The following WASHC2C variants were observed in gnomAD, a reference collection of about 807,000 sequenced individuals.
WASHC2C encodes the protein Vaccinia Penetration Factor.
Under a neutral mutation model 142.2 loss-of-function variants are expected in WASHC2C, and 73 were observed. The ratio of observed to expected loss-of-function variants is 0.51; its 90% CI spans 0.43 to 0.62. The LOEUF (loss-of-function observed/expected upper bound fraction) is 0.62, where lower values mean the gene tolerates loss of function less well. Ranked by LOEUF, WASHC2C falls within the 20% of genes least tolerant of loss-of-function variation. The pLI, the probability that WASHC2C is intolerant of heterozygous loss-of-function variation, is 0.00. For synonymous variants in WASHC2C, 337 were observed against 565.5 expected (o/e 0.60, Z 5.73); for missense variants, 969 against 1,531.7 (o/e 0.63, Z 6.13).
chr10:45,744,103 G>C (rs2052499522), intron 6 of WASHC2C, among the ~76,000 whole-genome samples: 1 of 151,634 alleles, frequency 6.6e-6, no homozygotes, highest in Non-Finnish European at 1.5e-5. Flanking sequence ...TGGTCACCCA[G>C]GCTGGAATGC....
chr10:45,753,868 A>C (rs898221), intron 13 of WASHC2C, among the ~76,000 whole-genome samples: 7,436 of 148,594 alleles, frequency 0.05, 245 homozygotes, highest in African/African-American at 0.099. Context: ...AATGTTACTC[A>C]ATAGGTTTGT....
At chr10:45,747,068 G>T (rs1235349926) in intron 8 of WASHC2C, among the ~76,000 whole-genome samples, 2 of 152,148 alleles carry the variant, frequency 1.3e-5, no homozygotes, top group African/African-American at 2.4e-5. Flanking sequence ...ATCTAAAGGC[G>T]TATTCTTTTC....
Position 45,789,100 on chromosome 10 carries a change from G to A in WASHC2C, c.3317G>A (p.Gly1106Asp). The A allele has an allele frequency of 1.9e-6, 3 of 1,612,088 alleles. No homozygotes were observed. The South Asian group carries it at 3.3e-5, about 18-fold the overall frequency. Residue 1106 changes from glycine (G) to aspartate (D), a missense_variant, in exon 29 of 31, where the codon GGT becomes GAT. By Grantham distance (94) the Gly-to-Asp change is moderately conservative (BLOSUM62 -1). Transcript: ENST00000623400. ...GCTGCCGCTGCACCTTGGGAAGGTG[G>A]TCCTGTGCCTGGAGTGGACACAAGC... is the stretch of plus-strand genomic sequence containing the variant. ...LAAAAAPWEGGPVPGVDTSPF... is the reference protein window; with the variant it reads ...LAAAAAPWEGDPVPGVDTSPF...
chr10:45,773,194 T>C (rs2135434583), intron 20 of WASHC2C, 62 bp from the exon 21 acceptor site: 1 of 593,956 alleles, frequency 1.7e-6, no homozygotes, highest in Non-Finnish European at 2.9e-6. Flanking sequence ...AATATTGTTG[T>C]TATGGTTTTT....
At chr10:45,773,751 T>C (rs2056820984) in intron 21 of WASHC2C, among the ~76,000 whole-genome samples, 1 of 152,100 alleles carries the variant, frequency 6.6e-6, no homozygotes, top group African/African-American at 2.4e-5. Context: ...TGCTACAAAA[T>C]GCATGAACCT....
Position 45,789,259 on chromosome 10 carries a change from C to T in WASHC2C, c.3476C>T (p.Ala1159Val). Residue 1159 changes from alanine to valine, a missense_variant, in exon 29 of 31, where the codon GCC (alanine) becomes GTC (valine). By Grantham distance (64) the Ala-to-Val change is moderately conservative. Transcript: ENST00000623400. Reference sequence around the variant, plus strand: ...AAGGCAAAGATAGCAGAGAATCCTGCCAACCCACCAGTGGGTGGTAAAGCA... The same window carrying T: ...AAGGCAAAGATAGCAGAGAATCCTGTCAACCCACCAGTGGGTGGTAAAGCA... ...KPKAKIAENPANPPVGGKAKS... is the reference protein window; with the variant it reads ...KPKAKIAENPVNPPVGGKAKS... 6.2e-7 allele frequency: 1 copy of T among 1,612,070 alleles called. No homozygotes were observed. Among genetic ancestry groups the T allele is most frequent in the Non-Finnish European group, 8.5e-7 (1 of 1,179,870 alleles).
chr10:45,734,311 T>G (rs2050950644), intron 3 of WASHC2C, among the ~76,000 whole-genome samples: 1 of 151,870 alleles, frequency 6.6e-6, no homozygotes. Flanking sequence ...AACTTTTCAG[T>G]GTATTTTTTT....
At chr10:45,791,930 A>G (rs2058417042) in intron 30 of WASHC2C, among the ~76,000 whole-genome samples, 1 of 145,932 alleles carries the variant, frequency 6.9e-6, no homozygotes, top group Non-Finnish European at 1.5e-5. Flanking sequence ...TATGAAAAGA[A>G]TATCTAAATA....
chr10:45,758,711 G>A (rs1293928784), intron 16 of WASHC2C, among the ~76,000 whole-genome samples: 2 of 150,736 alleles, frequency 1.3e-5, no homozygotes, highest in African/African-American at 2.4e-5. Context: ...GGGTTCAAGC[G>A]ATTCTCCAGC....
intron 16 of WASHC2C, among the ~76,000 whole-genome samples, chr10:45,758,339 A>G (rs1271092639): frequency 6.0e-5 from 9 of 151,256 alleles, no homozygotes; most frequent in Middle Eastern, 3.4e-3. Context: ...GTTGATCTCT[A>G]AAGTGATAGT....
chr10:45,738,682 T>A (rs762970631), intron 4 of WASHC2C, among the ~76,000 whole-genome samples: 10 of 152,010 alleles, frequency 6.6e-5, no homozygotes, highest in Non-Finnish European at 1.0e-4. Context: ...TTTAAAAAAG[T>A]TATTTTATTT....
upstream of WASHC2C, chr10:45,727,238 G>C (rs2049946440): frequency 6.6e-7 from 1 of 1,525,166 alleles, no homozygotes; most frequent in Non-Finnish European, 8.8e-7. Flanking sequence ...CGGGCAGCTT[G>C]GCTGGGGCTA....
At chr10:45,757,164 C>T (rs2054410067) in intron 16 of WASHC2C, 25 bp downstream of exon 16, 1 of 1,610,918 alleles carries the variant, frequency 6.2e-7, no homozygotes, top group Non-Finnish European at 8.5e-7. Flanking sequence ...AGACTTAACG[C>T]AGGAGCATTG....
chr10:45,784,265 T>TATATATATATACAC (rs1387288481), intron 23 of WASHC2C, among the ~76,000 whole-genome samples: 8 of 5,664 alleles, frequency 1.4e-3, no homozygotes, highest in Admixed American at 3.8e-3. Flanking sequence ...TATATATATA[T>TATATATATATACAC]ATATATATAT....
intron 3 of WASHC2C, among the ~76,000 whole-genome samples, chr10:45,732,904 C>T (rs1193459303): frequency 2.5e-3 from 374 of 152,032 alleles, no homozygotes; most frequent in Admixed American, 4.0e-3. Flanking sequence ...GCCCAAAAGC[C>T]TTATTAACAT....
At chr10:45,731,986 T>C (rs1331989639) in intron 3 of WASHC2C, among the ~76,000 whole-genome samples, 1 of 151,900 alleles carries the variant, frequency 6.6e-6, no homozygotes, top group East Asian at 1.9e-4. Flanking sequence ...TTAGTAGAGA[T>C]GGGGTTTCAC....
chr10:45,751,792 A>G (rs2053624218), intron 11 of WASHC2C, among the ~76,000 whole-genome samples: 1 of 152,160 alleles, frequency 6.6e-6, no homozygotes, highest in Admixed American at 6.5e-5. Flanking sequence ...CCTGGCCAAC[A>G]TAGTGAAACC....
At chr10:45,738,874 T>G (rs1168094007) in intron 4 of WASHC2C, among the ~76,000 whole-genome samples, 6 of 152,120 alleles carry the variant, frequency 3.9e-5, no homozygotes, top group Admixed American at 3.9e-4. Context: ...CTGGCTAATT[T>G]TTTTGTATTT....
chr10:45,756,784 A>G (rs1380488344), intron 15 of WASHC2C, among the ~76,000 whole-genome samples: 4 of 152,264 alleles, frequency 2.6e-5, no homozygotes, highest in Non-Finnish European at 5.9e-5. Flanking sequence ...TAAGCATGTC[A>G]GCCACGTGGA....
Sources: gnomAD v4.1 joint callset for allele counts (sites outside exome capture counted in the v4.1 genomes callset) on GRCh38, gnomAD v4.1.1 for gene constraint, MANE v1.5 for transcripts, NCBI Gene and HGNC (gene_info 2026-07-23, HGNC 2026-07-21) for gene names.